COL12A1: variants seen among roughly 807,000 people sequenced by gnomAD.
COL12A1 encodes the protein collagen alpha-1(XII) chain.
COL12A1 carries 114 observed loss-of-function variants against 349.7 expected under a neutral mutation model. The observed-to-expected ratio is 0.33, with a 90% confidence interval of 0.28 to 0.38. The LOEUF (loss-of-function observed/expected upper bound fraction) is 0.38. Among genes scored for constraint, COL12A1 ranks in the 10% least tolerant of loss-of-function variants. The pLI, the probability that COL12A1 is intolerant of heterozygous loss-of-function variation, is 1.00. For synonymous variants in COL12A1, 1,369 were observed against 1,329.0 expected (o/e 1.03, Z -0.66); for missense variants, 3,284 against 3,756.9 (o/e 0.87, Z 3.29).
intron 52 of COL12A1, 127 bp from the exon 53 acceptor site, chr6:75,106,623 T>A: frequency 1.3e-6 from 1 of 746,254 alleles, no homozygotes; most frequent in Admixed American, 2.1e-5. Context: ...TTGAGAGCAA[T>A]GTGATCCTTA....
At chr6:75,134,969 A>G (rs762127805) in intron 31 of COL12A1, 114 bp from the exon 32 acceptor site, 60 of 1,101,794 alleles carry the variant, frequency 5.4e-5, no homozygotes, top group Non-Finnish European at 7.3e-5. Context: ...AAGTTCCAGA[A>G]TTACATACCA....
chr6:75,144,431 C>A (rs1364872473), intron 25 of COL12A1, among the ~76,000 whole-genome samples: 2 of 152,188 alleles, frequency 1.3e-5, no homozygotes, highest in South Asian at 2.1e-4. Context: ...CCCCATCATG[C>A]TCTGTTTCCT....
At chr6:75,116,616 G>A (rs1013113872) in intron 47 of COL12A1, among the ~76,000 whole-genome samples, 10 of 152,128 alleles carry the variant, frequency 6.6e-5, no homozygotes, top group South Asian at 2.1e-4. Flanking sequence ...GCTCCACTCC[G>A]AACTTCAGCA....
chr6:75,103,965 A>G (rs972833763), intron 54 of COL12A1, among the ~76,000 whole-genome samples, 155 bp from the exon 55 acceptor site: 2 of 152,242 alleles, frequency 1.3e-5, no homozygotes, highest in African/African-American at 4.8e-5. Context: ...TCATACAAAT[A>G]TGCGAGGCAA....
Position 75,155,819 on chromosome 6 carries a change from A to G in COL12A1, c.3286T>C (p.Ser1096Pro), listed in dbSNP as rs763928470. 1 of 1,610,862 alleles carries G rather than the reference A, an allele frequency of 6.2e-7. No individual in the cohort carries two copies. Among genetic ancestry groups the G allele is most frequent in the Non-Finnish European group, 8.5e-7 (1 of 1,178,886 alleles). Residue 1096 changes from serine (S) to proline (P), a missense_variant, in exon 16 of 66, where the codon TCT (serine) becomes CCT (proline). Ser to Pro is a moderately conservative substitution (Grantham distance 74). Coordinates refer to ENST00000322507, the MANE Select transcript of COL12A1 (RefSeq NM_004370.6). The stretch of plus-strand genomic sequence containing the variant: ...CGGAAGCTTGACATGGTTGGGTCAG[A>G]TGTTTTGAGGTTTCTAGGAGACTTA... ...RFKSPRNLKT[S>P]DPTMSSFRVT... is the part of the protein sequence containing the mutation.
chr6:75,182,485 G>A (rs1347564151), intron 10 of COL12A1, among the ~76,000 whole-genome samples: 2 of 151,986 alleles, frequency 1.3e-5, no homozygotes, highest in Non-Finnish European at 2.9e-5. Flanking sequence ...TCTTGTGTTA[G>A]TTTGCTGAGA....
In COL12A1 at chr6:75,104,347, T is replaced by C. The variant is rs1191740476; in HGVS notation, c.8266-537A>G. 2.0e-5 allele frequency among the ~76,000 whole-genome samples: 3 copies of C among 152,138 alleles called. No homozygotes were observed. The East Asian group carries it at 5.8e-4, about 29-fold the overall frequency. On this transcript the variant is annotated intron_variant, in intron 54 of 65. Transcript: ENST00000322507. ...GGACATAATTTCATGATTATAAATA[T>C]AAATCACTGTTACTAGAAAAAAAGA...
chr6:75,086,998 C>A (rs1767530884), intron 65 of COL12A1, among the ~76,000 whole-genome samples: 1 of 152,128 alleles, frequency 6.6e-6, no homozygotes, highest in Non-Finnish European at 1.5e-5. Context: ...CATATCTACC[C>A]AGTCCTCACA....
intron 49 of COL12A1, among the ~76,000 whole-genome samples, 177 bp downstream of exon 49, chr6:75,115,607 A>G (rs1014736421): frequency 1.3e-4 from 20 of 152,282 alleles, no homozygotes; most frequent in Non-Finnish European, 2.6e-4. Context: ...TCCTGTGTGC[A>G]AACAACTATG....
intron 42 of COL12A1, 33 bp from the exon 43 acceptor site, chr6:75,123,437 A>T (rs893527128): frequency 6.8e-7 from 1 of 1,474,506 alleles, no homozygotes; most frequent in Non-Finnish European, 9.2e-7. Flanking sequence ...ATAAAAACAC[A>T]CCATGTGCAC....
At chr6:75,190,549 C>T (rs1769874007) in intron 5 of COL12A1, among the ~76,000 whole-genome samples, 1 of 151,752 alleles carries the variant, frequency 6.6e-6, no homozygotes, top group African/African-American at 2.4e-5. Context: ...ATGTGGTATC[C>T]TGAAATTATC....
chr6:75,192,663 T>C (rs1433493883), intron 3 of COL12A1, among the ~76,000 whole-genome samples: 1 of 152,126 alleles, frequency 6.6e-6, no homozygotes, highest in Non-Finnish European at 1.5e-5. Flanking sequence ...TTTTGGAGAC[T>C]AATGGTAGAT....
chr6:75,098,281 C>T lies in COL12A1; in HGVS notation c.8524-975G>A, dbSNP rs191533283. ...AATTAGAAAACTCCCTTCCTCATTT[C>T]CTGAGCAACTGTCAGACAGTTAGAG... On this transcript the variant is annotated intron_variant, in intron 58 of 65. Coordinates refer to ENST00000322507, the MANE Select transcript of COL12A1 (RefSeq NM_004370.6). 6.0e-4 allele frequency among the ~76,000 whole-genome samples: 92 copies of T among 152,324 alleles called. No homozygotes were observed. The East Asian group carries it at 0.014, about 24-fold the overall frequency.
At position 75,123,863 on chromosome 6, in the gene COL12A1, G is replaced by A. The variant is rs1371970122; in HGVS notation, c.6871+85C>T. On this transcript the variant is annotated intron_variant, in intron 42 of 65. Transcript: ENST00000322507. ...TTGCTACCCCTACGGAGAGGTACCT[G>A]CACAGGATTCACTTAAGTCTTCCTT... The A allele has an allele frequency of 2.9e-6, 4 of 1,392,924 alleles. No individual in the cohort carries two copies. The African/African-American group carries it at 4.3e-5, about 15-fold the overall frequency. The allele number at this position is 1,392,924 out of a possible 1,614,324, so 86.3% of individuals were successfully genotyped here. A position where few individuals can be genotyped will look rare whatever the true frequency, so the allele number is the denominator to read the frequency against.
intron 13 of COL12A1, among the ~76,000 whole-genome samples, chr6:75,168,383 T>C (rs1768421344): frequency 6.6e-6 from 1 of 152,140 alleles, no homozygotes; most frequent in Non-Finnish European, 1.5e-5. Context: ...TACCAAAAAA[T>C]GAAGCAAGTG....
chr6:75,103,379 T>A (rs1029546500), intron 55 of COL12A1, among the ~76,000 whole-genome samples: 5 of 152,036 alleles, frequency 3.3e-5, no homozygotes, highest in Admixed American at 1.3e-4. Context: ...CCACTCAGCA[T>A]TTTTTTTCTG....
chr6:75,176,920 A>C (rs74985680), intron 12 of COL12A1, among the ~76,000 whole-genome samples: 137 of 152,332 alleles, frequency 9.0e-4, no homozygotes, highest in African/African-American at 3.1e-3. Flanking sequence ...ATTAAACATT[A>C]ATAATTTCAA....
At chr6:75,087,799 T>G (rs878856640) in intron 64 of COL12A1, 52 bp from the exon 65 acceptor site, 1 of 1,572,270 alleles carries the variant, frequency 6.4e-7, no homozygotes. Context: ...ATACAACTCC[T>G]GAGGTAGCCA....
intron 23 of COL12A1, among the ~76,000 whole-genome samples, chr6:75,147,438 A>C (rs1767253325): frequency 6.6e-6 from 1 of 152,176 alleles, no homozygotes; most frequent in African/African-American, 2.4e-5. Context: ...TTTTCCCTCT[A>C]GATTATTATG....
Sources: allele counts gnomAD v4.1 joint callset (sites outside exome capture counted in the v4.1 genomes callset), GRCh38; gene constraint gnomAD v4.1.1; transcripts MANE v1.5; gene names NCBI Gene and HGNC (gene_info 2026-07-23, HGNC 2026-07-21).